The following LTBP2 variants were observed in gnomAD, a reference collection of about 807,000 sequenced individuals.
The protein encoded by LTBP2 is latent transforming growth factor beta binding protein 2, also known as latent-transforming growth factor beta-binding protein 2.
A neutral mutation model predicts 210.6 loss-of-function variants in LTBP2; 103 were observed. The ratio of observed to expected loss-of-function variants is 0.49; its 90% CI spans 0.42 to 0.58. LTBP2 has a LOEUF of 0.58. Among genes scored for constraint, LTBP2 ranks in the 20% least tolerant of loss-of-function variants. The pLI is 0.00. For synonymous variants in LTBP2, 1,007 were observed against 1,015.0 expected, an observed-to-expected ratio of 0.99 and a Z score of 0.15; for missense variants, 2,313 against 2,494.5, an observed-to-expected ratio of 0.93 and a Z score of 1.55.
chr14:74,510,361 CCCT>C, intron 19 of LTBP2, 148 bp from the exon 20 acceptor site: 1 of 1,179,416 alleles, frequency 8.5e-7, no homozygotes, highest in Non-Finnish European at 1.2e-6. Context: ...AGGCCATGCT[CCCT>C]CCTCCCACCT....
chr14:74,501,734 G>T (rs945667524), intron 34 of LTBP2, 144 bp from the exon 35 acceptor site: 8 of 994,484 alleles, frequency 8.0e-6, no homozygotes, highest in Non-Finnish European at 1.2e-5. Context: ...AATTCTTGTG[G>T]AAAGATGCTA....
chr14:74,604,351 G>A (rs904296337), intron 1 of LTBP2, among the ~76,000 whole-genome samples: 2 of 152,086 alleles, frequency 1.3e-5, no homozygotes, highest in Non-Finnish European at 2.9e-5. Context: ...TGGGAAGGCT[G>A]AGCCCTGAGT....
intron 4 of LTBP2, 109 bp downstream of exon 4, chr14:74,555,394 G>A (rs1468282932): frequency 1.8e-6 from 2 of 1,137,592 alleles, no homozygotes; most frequent in East Asian, 2.4e-5. Context: ...AAGAATGAGG[G>A]ACAAGGTGAC....
intron 28 of LTBP2, 74 bp downstream of exon 28, chr14:74,505,973 AG>A: frequency 3.5e-5 from 55 of 1,580,016 alleles, no homozygotes; most frequent in Non-Finnish European, 4.7e-5. Context: ...GCTAGAGGCT[AG>A]TAGAGGGATG....
chr14:74,573,105 C>T (rs2088007164), intron 3 of LTBP2, among the ~76,000 whole-genome samples: 2 of 152,202 alleles, frequency 1.3e-5, no homozygotes, highest in Admixed American at 6.5e-5. Flanking sequence ...CGCTGGATAC[C>T]TTGCCTAACC....
In LTBP2 at chr14:74,540,771, T is replaced by A. The variant is rs572476600; in HGVS notation, c.1790-4771A>T. Among the ~76,000 whole-genome samples the A allele has an allele frequency of 8.5e-3, 692 of 81,784 alleles. 17 individuals carry two copies. The highest frequency in any genetic ancestry group is 0.026 in the African/African-American group (641 of 24,376). 53.7% of individuals were successfully genotyped at this position (81,784 alleles called of 152,430 possible). ...CAGAGCGAGACTCCATCTTAAAAAA[T>A]ATATATATATATTATATATATATTT... On this transcript the variant is annotated intron_variant, in intron 8 of 35. Transcript: ENST00000261978.
intron 13 of LTBP2, 110 bp from the exon 14 acceptor site, chr14:74,526,224 A>T: frequency 9.3e-7 from 1 of 1,072,602 alleles, no homozygotes. Context: ...GAGCTCATTC[A>T]TGTTTTCATT....
At position 74,551,182 on chromosome 14, in the gene LTBP2, A is replaced by T; in HGVS notation, c.1568T>A (p.Leu523His). Residue 523 changes from leucine to histidine, a missense_variant, in exon 7 of 36, where the codon CTC becomes CAC. Transcript: ENST00000261978. Reference protein sequence around the residue: ...PWLPASPGHSLWDSNNIPARS... With the variant: ...PWLPASPGHSHWDSNNIPARS... ...AGCAGGGATGTTGTTGCTGTCCCAG[A>T]GGCTGTGGCCAGGGCTGGCAGGCAG... 1 of 1,613,888 alleles carries T rather than the reference A, an allele frequency of 6.2e-7. No homozygotes were observed. The highest frequency in any genetic ancestry group is 8.5e-7 in the Non-Finnish European group (1 of 1,180,008).
intron 9 of LTBP2, among the ~76,000 whole-genome samples, chr14:74,533,974 G>A (rs1476562615): frequency 2.0e-5 from 3 of 152,220 alleles, no homozygotes; most frequent in African/African-American, 7.2e-5. Context: ...GCAGAGCCAG[G>A]TCACCCACCG....
Position 74,505,028 on chromosome 14 carries a change from C to A in LTBP2, c.4324G>T (p.Ala1442Ser), listed in dbSNP as rs140583454. 1.2e-6 allele frequency: 2 copies of A among 1,614,186 alleles called. No individual in the cohort carries two copies. Among genetic ancestry groups the A allele is most frequent in the Non-Finnish European group, 1.7e-6 (2 of 1,180,040 alleles). ...TQAECCCTQG[A>S]SWGDACDLCP... The stretch of plus-strand genomic sequence containing the variant: ...AGGTCACAGGCATCTCCCCAGCTAG[C>A]GCCCTGGGTGCAGCAGCATTCAGCC... The change falls in exon 29 of 36, where the codon GCT (alanine) becomes TCT (serine). Residue 1442 changes from alanine to serine, a missense_variant. Physicochemically the swap from Ala to Ser is moderately conservative, Grantham distance 99. This residue lies in a region of LTBP2 where 1,867 missense variants were observed against 1,976.9 expected (regional missense o/e 0.94). Transcript: ENST00000261978.
Position 74,611,945 on chromosome 14 carries a change from G to A in LTBP2, c.-1C>T, listed in dbSNP as rs1445438924. The A allele has an allele frequency of 6.4e-7, 1 of 1,573,198 alleles. No homozygotes were observed. The highest frequency in any genetic ancestry group is 2.2e-4 in the Middle Eastern group (1 of 4,616). ...TGCGGGCTTTGGTCCGCGGCCTCAT[G>A]GCGCGGGGCGGCTGGAGAGTGGTGC... On this transcript the variant is annotated 5_prime_UTR_variant, in exon 1 of 36. Transcript: ENST00000261978.
At position 74,506,818 on chromosome 14, in the gene LTBP2, C is replaced by G. The variant is rs1274436902; in HGVS notation, c.3913G>C (p.Asp1305His). ...CACATGGTGTCGTTGGCGCACTCGT[C>G]TATGTCTGTGGGACAGTGGGAACCA... Reference protein sequence around the residue: ...MAPNGDCIDIDECANDTMCGS... With the variant: ...MAPNGDCIDIHECANDTMCGS... The change falls in exon 27 of 36, where the codon GAC becomes CAC. Residue 1305 changes from aspartate (D) to histidine (H), a missense_variant. Physicochemically the swap from Asp to His is moderately conservative, Grantham distance 81. Around this residue, in one of 3 missense-constraint regions of LTBP2, gnomAD observed 1,867 missense variants for 1,976.9 expected, o/e 0.94. Transcript: ENST00000261978. 3 of 1,613,902 alleles carry G rather than the reference C, an allele frequency of 1.9e-6. No homozygotes were observed. The Middle Eastern group carries it at 5.0e-4, about 266-fold the overall frequency.
At chr14:74,546,186 GC>G (rs532833314) in intron 8 of LTBP2, among the ~76,000 whole-genome samples, 2 of 152,122 alleles carry the variant, frequency 1.3e-5, no homozygotes, top group Non-Finnish European at 2.9e-5. Context: ...TCCCCCAGAA[GC>G]ATAAGCCTAT....
At chr14:74,532,831 GTTTA>G (rs896376570) in intron 9 of LTBP2, among the ~76,000 whole-genome samples, 41 of 152,218 alleles carry the variant, frequency 2.7e-4, no homozygotes, top group African/African-American at 8.7e-4. Flanking sequence ...AAGAGCTAAT[GTTTA>G]TTTATTTATT....
At chr14:74,543,036 G>C (rs974306826) in intron 8 of LTBP2, among the ~76,000 whole-genome samples, 2 of 151,682 alleles carry the variant, frequency 1.3e-5, no homozygotes, top group African/African-American at 4.8e-5. Context: ...CAAAGTGTTG[G>C]GATTACAGGC....
In LTBP2 at chr14:74,566,050, G is replaced by A. The variant is rs918955635; in HGVS notation, c.831-10357C>T. On this transcript the variant is annotated intron_variant, in intron 3 of 35. Transcript: ENST00000261978. Reference sequence around the variant, plus strand: ...CACAGTTTGCGCTTTTCACGGACACGTGCGTGTGCCTATAGCTGGGTTTTT... The same window carrying A: ...CACAGTTTGCGCTTTTCACGGACACATGCGTGTGCCTATAGCTGGGTTTTT... 4.0e-4 allele frequency among the ~76,000 whole-genome samples: 60 copies of A among 151,510 alleles called. 1 individual carries two copies. Among genetic ancestry groups the A allele is most frequent in the African/African-American group, 1.4e-3 (57 of 41,028 alleles).
At chr14:74,601,248 C>T (rs1422270217) in intron 2 of LTBP2, among the ~76,000 whole-genome samples, 1 of 152,106 alleles carries the variant, frequency 6.6e-6, no homozygotes, top group Non-Finnish European at 1.5e-5. Flanking sequence ...TCACTTTCTT[C>T]TTTAAAATTA....
At chr14:74,574,667 C>G (rs1317886584) in intron 3 of LTBP2, among the ~76,000 whole-genome samples, 1 of 152,158 alleles carries the variant, frequency 6.6e-6, no homozygotes, top group South Asian at 2.1e-4. Flanking sequence ...GTGAATAGCT[C>G]GTATCTCAGA....
At chr14:74,590,625 A>G (rs1388835691) in intron 2 of LTBP2, among the ~76,000 whole-genome samples, 1 of 152,172 alleles carries the variant, frequency 6.6e-6, no homozygotes, top group African/African-American at 2.4e-5. Context: ...AAAATGTGAT[A>G]TATATATACA....
Sources: allele counts gnomAD v4.1 joint callset (sites outside exome capture counted in the v4.1 genomes callset), GRCh38; gene constraint gnomAD v4.1.1; regional missense constraint gnomAD v4.1.1; transcripts MANE v1.5; gene names NCBI Gene and HGNC (gene_info 2026-07-23, HGNC 2026-07-21).